Variants in GPC6 observed in about 807,000 individuals in gnomAD.
GPC6 encodes the protein glypican 6.
In GPC6, 14 loss-of-function variants were observed where a neutral mutation model predicts 55.2. That is an observed-to-expected ratio of 0.25 (90% CI 0.17 to 0.40). GPC6 has a LOEUF of 0.40. GPC6 is among the 10% of genes least tolerant of loss of function. The probability of loss-of-function intolerance (pLI) is 1.00; values close to 1 mark genes in which losing one functional copy is unlikely to be tolerated. For synonymous variants in GPC6, 278 were observed against 259.6 expected, an observed-to-expected ratio of 1.07 and a Z score of -0.68; for missense variants, 641 against 708.5, an observed-to-expected ratio of 0.90 and a Z score of 1.08.
intron 3 of GPC6, among the ~76,000 whole-genome samples, chr13:93,850,940 G>T (rs867573807): frequency 1.6e-4 from 24 of 151,912 alleles, no homozygotes; most frequent in Admixed American, 9.9e-4. Flanking sequence ...ATTTAGATCT[G>T]CCTTGGAAGG....
At chr13:93,323,731 T>A (rs1018159788) in intron 1 of GPC6, among the ~76,000 whole-genome samples, 3 of 152,194 alleles carry the variant, frequency 2.0e-5, no homozygotes, top group Admixed American at 2.0e-4. Context: ...AGGAGACAGT[T>A]AGTAAATTGT....
chr13:93,509,134 G>A (rs1029086956), intron 1 of GPC6, among the ~76,000 whole-genome samples: 2 of 152,130 alleles, frequency 1.3e-5, no homozygotes, highest in Non-Finnish European at 2.9e-5. Context: ...AGGTGCATTT[G>A]AGTTAGACTT....
At chr13:94,292,942 G>T (rs1020950244) in intron 5 of GPC6, among the ~76,000 whole-genome samples, 9 of 152,230 alleles carry the variant, frequency 5.9e-5, no homozygotes, top group African/African-American at 1.4e-4. Flanking sequence ...AAATATATTG[G>T]CTATGCCTAG....
intron 1 of GPC6, among the ~76,000 whole-genome samples, chr13:93,518,277 C>G (rs1825396329): frequency 6.6e-6 from 1 of 151,674 alleles, no homozygotes; most frequent in South Asian, 2.1e-4. Context: ...TCCCGGCTTC[C>G]TTAATTATTT....
At chr13:94,158,556 A>G (rs1888040314) in intron 4 of GPC6, among the ~76,000 whole-genome samples, 1 of 152,204 alleles carries the variant, frequency 6.6e-6, no homozygotes, top group African/African-American at 2.4e-5. Flanking sequence ...GAGGGGAAGG[A>G]CAGAAGCAGG....
At chr13:93,516,481 A>G (rs780784124) in intron 1 of GPC6, among the ~76,000 whole-genome samples, 8 of 152,136 alleles carry the variant, frequency 5.3e-5, no homozygotes, top group Non-Finnish European at 8.8e-5. Flanking sequence ...GGGCACAGGT[A>G]CAATTGGAAA....
chr13:94,025,054 G>A (rs923687595), intron 3 of GPC6, among the ~76,000 whole-genome samples: 1 of 152,224 alleles, frequency 6.6e-6, no homozygotes, highest in African/African-American at 2.4e-5. Flanking sequence ...TGGCATCCAA[G>A]AGATCTCAAA....
chr13:93,407,075 C>T (rs1191738380), intron 1 of GPC6, among the ~76,000 whole-genome samples: 2 of 152,054 alleles, frequency 1.3e-5, no homozygotes, highest in Admixed American at 6.6e-5. Flanking sequence ...ATTGTTGTAT[C>T]ACTGTATTGT....
At chr13:93,932,698 G>T (rs1230301050) in intron 3 of GPC6, among the ~76,000 whole-genome samples, 2 of 151,994 alleles carry the variant, frequency 1.3e-5, no homozygotes, top group Admixed American at 6.6e-5. Flanking sequence ...ACCCTTCCTG[G>T]CTCTGGGACC....
At chr13:93,680,297 G>A (rs1246769593) in intron 2 of GPC6, among the ~76,000 whole-genome samples, 1 of 152,132 alleles carries the variant, frequency 6.6e-6, no homozygotes, top group Non-Finnish European at 1.5e-5. Flanking sequence ...CCTGGAATAG[G>A]TCTTTGCCTT....
intron 2 of GPC6, among the ~76,000 whole-genome samples, chr13:93,648,010 A>G (rs1446208943): frequency 3.9e-5 from 6 of 152,106 alleles, no homozygotes; most frequent in Non-Finnish European, 8.8e-5. Context: ...TCCTTTCCAA[A>G]GTGTGGCGAG....
chr13:93,741,483 A>G (rs1884199367), intron 2 of GPC6, among the ~76,000 whole-genome samples: 1 of 152,082 alleles, frequency 6.6e-6, no homozygotes, highest in Admixed American at 6.6e-5. Flanking sequence ...TCCTTGTTAG[A>G]ATGTGGTCTC....
chr13:93,416,590 T>C (rs190189396), intron 1 of GPC6, among the ~76,000 whole-genome samples: 6 of 152,238 alleles, frequency 3.9e-5, no homozygotes, highest in Admixed American at 2.6e-4. Context: ...GCAATTAAAT[T>C]ATTATTGGCT....
intron 1 of GPC6, among the ~76,000 whole-genome samples, chr13:93,510,299 C>T (rs1356485360): frequency 6.6e-6 from 1 of 152,068 alleles, no homozygotes; most frequent in Non-Finnish European, 1.5e-5. Flanking sequence ...CGACCCACTT[C>T]TCTTCATCTT....
chr13:93,513,408 A>G (rs1048753730), intron 1 of GPC6, among the ~76,000 whole-genome samples: 1 of 152,166 alleles, frequency 6.6e-6, no homozygotes, highest in African/African-American at 2.4e-5. Context: ...ACCTAGCCAA[A>G]TCAAATTGGT....
intron 4 of GPC6, among the ~76,000 whole-genome samples, chr13:94,272,678 C>A (rs1399584324): frequency 4.0e-5 from 6 of 151,814 alleles, no homozygotes; most frequent in Admixed American, 1.3e-4. Flanking sequence ...CCGTGTTAGC[C>A]AGGATGGTCT....
chr13:93,272,363 C>T (rs1877559990), intron 1 of GPC6, among the ~76,000 whole-genome samples: 1 of 151,692 alleles, frequency 6.6e-6, no homozygotes, highest in Non-Finnish European at 1.5e-5. Context: ...TACATTCTAA[C>T]TTGCCTTTTA....
chr13:93,541,714 C>A (rs544210577), intron 1 of GPC6, among the ~76,000 whole-genome samples: 75 of 144,472 alleles, frequency 5.2e-4, no homozygotes, highest in African/African-American at 1.8e-3. Context: ...TTAATGATTG[C>A]CATTCTAACT....
At chr13:93,256,596 T>C (rs1876961096) in intron 1 of GPC6, among the ~76,000 whole-genome samples, 1 of 152,152 alleles carries the variant, frequency 6.6e-6, no homozygotes, top group Admixed American at 6.5e-5. Flanking sequence ...TAATGAACAA[T>C]CAAATGGTGA....
Sources: allele counts gnomAD v4.1 joint callset (sites outside exome capture counted in the v4.1 genomes callset), GRCh38; gene constraint gnomAD v4.1.1; transcripts MANE v1.5; gene names NCBI Gene and HGNC (gene_info 2026-07-23, HGNC 2026-07-21).